The following HIBADH variants were observed in gnomAD, a reference collection of about 807,000 sequenced individuals.
HIBADH encodes the protein 3-hydroxyisobutyrate dehydrogenase.
In HIBADH, 25 loss-of-function variants were observed where a neutral mutation model predicts 36.1. The observed-to-expected ratio is 0.69, with a 90% CI of 0.50 to 0.97. The LOEUF is 0.97. Among genes scored for constraint, HIBADH ranks in the 50% least tolerant of loss-of-function variants. HIBADH has a pLI of 0.00. For synonymous variants in HIBADH, 160 were observed against 149.5 expected (o/e 1.07, Z -0.51); for missense variants, 421 against 418.0 (o/e 1.01, Z -0.06).
intron 1 of HIBADH, among the ~76,000 whole-genome samples, chr7:27,650,712 TAAAAAA>T (rs59073946): frequency 7.9e-6 from 1 of 126,276 alleles, no homozygotes. Context: ...AGGCTGCCAT[TAAAAAA>T]AAAAAAAAAA....
chr7:27,551,060 A>G (rs1784311197), intron 4 of HIBADH, among the ~76,000 whole-genome samples: 1 of 152,184 alleles, frequency 6.6e-6, no homozygotes, highest in African/African-American at 2.4e-5. Context: ...CAGTTTGGCC[A>G]ATCTACAATG....
chr7:27,528,739 T>G (rs1583553900), intron 7 of HIBADH, among the ~76,000 whole-genome samples: 2 of 152,278 alleles, frequency 1.3e-5, no homozygotes, highest in Middle Eastern at 3.4e-3. Context: ...CTGCAGGAAG[T>G]TAGTTATCCA....
At chr7:27,546,760 T>TG (rs888662259) in intron 4 of HIBADH, among the ~76,000 whole-genome samples, 26 of 152,212 alleles carry the variant, frequency 1.7e-4, no homozygotes, top group African/African-American at 6.3e-4. Context: ...AATCAGGCCC[T>TG]GTGGTAAGCC....
chr7:27,576,714 C>A (rs1366477675), intron 4 of HIBADH, among the ~76,000 whole-genome samples: 1 of 152,108 alleles, frequency 6.6e-6, no homozygotes, highest in Non-Finnish European at 1.5e-5. Flanking sequence ...TATATTCTGG[C>A]AAATACAAAA....
intron 4 of HIBADH, among the ~76,000 whole-genome samples, chr7:27,568,636 AT>A (rs952938622): frequency 6.6e-6 from 1 of 151,406 alleles, no homozygotes; most frequent in Admixed American, 6.6e-5. Flanking sequence ...TTTTTTTTAA[AT>A]TTTTTTGTAT....
chr7:27,624,841 T>C (rs1222880606), intron 4 of HIBADH, among the ~76,000 whole-genome samples: 1 of 152,212 alleles, frequency 6.6e-6, no homozygotes, highest in Non-Finnish European at 1.5e-5. Flanking sequence ...CTATTTCACA[T>C]GGTTGTTTTT....
At chr7:27,597,525 G>A (rs1785051542) in intron 4 of HIBADH, among the ~76,000 whole-genome samples, 1 of 151,742 alleles carries the variant, frequency 6.6e-6, no homozygotes, top group South Asian at 2.1e-4. Context: ...TGGGTACAGA[G>A]GCTACACCAC....
intron 3 of HIBADH, among the ~76,000 whole-genome samples, chr7:27,631,825 C>G (rs1785752132): frequency 6.6e-6 from 1 of 152,198 alleles, no homozygotes; most frequent in Admixed American, 6.5e-5. Flanking sequence ...AATTTGCAAC[C>G]TCTGACATAA....
chr7:27,608,790 C>T (rs1470775831), intron 4 of HIBADH, among the ~76,000 whole-genome samples: 1 of 152,182 alleles, frequency 6.6e-6, no homozygotes, highest in East Asian at 1.9e-4. Flanking sequence ...CTCAGTAGTC[C>T]TAAACTGTGA....
chr7:27,543,110 T>C lies in HIBADH; in HGVS notation c.485-10A>G, dbSNP rs770465936. 8 of 1,613,252 alleles carry C rather than the reference T, an allele frequency of 5.0e-6. No individual in the cohort carries two copies. The highest frequency in any genetic ancestry group is 6.8e-6 in the Non-Finnish European group (8 of 1,179,604). Reference sequence around the variant, plus strand: ...CGTGCAGCTCCTACACCTGAATCATTTGGGGGTAAAGGGATAGAAGCAAAA... The same window carrying C: ...CGTGCAGCTCCTACACCTGAATCATCTGGGGGTAAAGGGATAGAAGCAAAA... On this transcript the variant is annotated splice_polypyrimidine_tract_variant and intron_variant, in intron 4 of 7. Transcript: ENST00000265395.
chr7:27,641,951 AGAAG>A (rs1404177286), intron 2 of HIBADH, among the ~76,000 whole-genome samples: 1 of 9,786 alleles, frequency 1.0e-4, no homozygotes, highest in African/African-American at 1.3e-3. Context: ...AAGAGAGGCA[AGAAG>A]ATTCTGTCTT....
chr7:27,570,217 G>C (rs903664769), intron 4 of HIBADH, among the ~76,000 whole-genome samples: 10 of 151,750 alleles, frequency 6.6e-5, no homozygotes, highest in African/African-American at 2.4e-4. Context: ...CTCTGCCCAA[G>C]GTTTTTAGAC....
intron 1 of HIBADH, among the ~76,000 whole-genome samples, chr7:27,657,804 A>G (rs1056513619): frequency 4.6e-5 from 7 of 152,192 alleles, no homozygotes; most frequent in Admixed American, 1.3e-4. Flanking sequence ...TCTTAGATGT[A>G]TACCATTGAA....
intron 4 of HIBADH, among the ~76,000 whole-genome samples, chr7:27,558,720 A>C (rs536259681): frequency 1.9e-4 from 29 of 152,248 alleles, no homozygotes; most frequent in South Asian, 1.9e-3. Flanking sequence ...AAACAAAACA[A>C]AACACAAGCA....
In HIBADH at chr7:27,586,981, C is replaced by T. The variant is rs139675205; in HGVS notation, c.484+42390G>A. 2.5e-3 allele frequency among the ~76,000 whole-genome samples: 376 copies of T among 152,330 alleles called. 2 individuals are homozygous for T. The highest frequency in any genetic ancestry group is 4.2e-3 in the Non-Finnish European group (289 of 68,014). On this transcript the variant is annotated intron_variant, in intron 4 of 7. Coordinates refer to ENST00000265395, the MANE Select transcript of HIBADH (RefSeq NM_152740.4). ...GGGCGGTGCCGTCCATGCTGCGCAA[C>T]GTGCCACCCAGCTGCTGCATGGTCA...
intron 4 of HIBADH, among the ~76,000 whole-genome samples, chr7:27,568,217 A>T (rs1221961359): frequency 6.6e-6 from 1 of 152,068 alleles, no homozygotes; most frequent in African/African-American, 2.4e-5. Flanking sequence ...TTTTTTGGTA[A>T]AGCAGATCAA....
At chr7:27,553,720 T>C (rs1291293672) in intron 4 of HIBADH, among the ~76,000 whole-genome samples, 5 of 152,206 alleles carry the variant, frequency 3.3e-5, no homozygotes, top group African/African-American at 1.2e-4. Context: ...CGGTTTACAA[T>C]AAAACACTAA....
chr7:27,570,070 A>T (rs1784606057), intron 4 of HIBADH, among the ~76,000 whole-genome samples: 1 of 152,170 alleles, frequency 6.6e-6, no homozygotes, highest in Non-Finnish European at 1.5e-5. Context: ...TTGAATTCAG[A>T]CTGGGAGATA....
At chr7:27,642,518 T>C (rs77499993) in intron 2 of HIBADH, among the ~76,000 whole-genome samples, 1 of 152,222 alleles carries the variant, frequency 6.6e-6, no homozygotes, top group Non-Finnish European at 1.5e-5. Context: ...GCTATCTCTG[T>C]TGACCTAAAG....
Sources: gnomAD v4.1 joint callset for allele counts (sites outside exome capture counted in the v4.1 genomes callset) on GRCh38, gnomAD v4.1.1 for gene constraint, MANE v1.5 for transcripts, NCBI Gene and HGNC (gene_info 2026-07-23, HGNC 2026-07-21) for gene names.